The following PVR variants were observed in gnomAD, a reference collection of about 807,000 sequenced individuals.
PVR encodes poliovirus receptor.
PVR carries 39 observed loss-of-function variants against 43.3 expected under a neutral mutation model. The observed-to-expected ratio is 0.90, with a 90% CI of 0.70 to 1.18. PVR has a LOEUF of 1.18. Ranked by LOEUF, PVR falls within the 50% of genes most tolerant of loss-of-function variation. The pLI is 0.00. For missense variants in PVR, 480 were observed against 549.7 expected (o/e 0.87, Z 1.27); for synonymous variants, 224 against 233.2 (o/e 0.96, Z 0.36).
At chr19:44,654,303 G>T (rs1973376928) in intron 4 of PVR, among the ~76,000 whole-genome samples, 1 of 149,998 alleles carries the variant, frequency 6.7e-6, no homozygotes, top group African/African-American at 2.5e-5. Flanking sequence ...GGGAGGAGAA[G>T]CTGGGAGCCT....
rs146619511 is a variant in PVR at position 44,657,818 on chromosome 19, G to A, written c.899G>A (p.Arg300His). The A allele has an allele frequency of 1.9e-5, 31 of 1,614,052 alleles. No individual in the cohort carries two copies. The Admixed American group carries it at 2.5e-4, about 13-fold the overall frequency. ...AVAQGAQLLI[R>H]PVDKPINTTL... is the part of the protein sequence containing the mutation. ...GCCCAGGGCGCCCAGCTCCTGATCCGTCCTGTGGACAAACCAATCAACACA... is the reference window on the plus strand; with the variant it reads ...GCCCAGGGCGCCCAGCTCCTGATCCATCCTGTGGACAAACCAATCAACACA... Residue 300 changes from arginine to histidine, a missense_variant, in exon 5 of 8, where the codon CGT becomes CAT. By Grantham distance (29) the Arg-to-His change is conservative (BLOSUM62 0). Coordinates refer to ENST00000425690, the MANE Select transcript of PVR (RefSeq NM_006505.5).
Position 44,647,135 on chromosome 19 carries a change from CACG to C in PVR, c.80-87_80-85del, listed in dbSNP as rs1234289614. The C allele has an allele frequency of 6.0e-6, 5 of 835,114 alleles. No homozygotes were observed. The Admixed American group carries it at 1.0e-4, about 17-fold the overall frequency. 51.7% of individuals were successfully genotyped at this position (835,114 alleles called of 1,614,324 possible). Reference sequence around the variant, plus strand: ...GATCCAGGGCCCCAGCGTGCAAGTGCACGCCCAGGTGCCCGGGCTCCTGGAGCC... The same window carrying C: ...GATCCAGGGCCCCAGCGTGCAAGTGCCCCAGGTGCCCGGGCTCCTGGAGCC... On this transcript the variant is annotated intron_variant, in intron 1 of 7. Coordinates refer to ENST00000425690, the MANE Select transcript of PVR (RefSeq NM_006505.5).
At position 44,647,570 on chromosome 19, in the gene PVR, G is replaced by A; in HGVS notation, c.427G>A (p.Ala143Thr). ...CGTGGATATCTGGCTCCGAGTGCTT[G>A]GTGAGCAGGGGGTTTTGGGGAGGCT... is the stretch of plus-strand genomic sequence containing the variant. The part of the protein sequence containing the change: ...RSVDIWLRVL[A>T]KPQNTAEVQK... The change falls in exon 2 of 8, where the codon GCC (alanine) becomes ACC (threonine). Residue 143 changes from alanine (A) to threonine (T), a missense_variant and splice_region_variant. Physicochemically the swap from Ala to Thr is moderately conservative, Grantham distance 58. Coordinates refer to ENST00000425690, the MANE Select transcript of PVR (RefSeq NM_006505.5). 2.5e-6 allele frequency: 4 copies of A among 1,604,786 alleles called. No homozygotes were observed. Among genetic ancestry groups the A allele is most frequent in the Non-Finnish European group, 3.4e-6 (4 of 1,174,624 alleles).
At position 44,664,964 on chromosome 19, in the gene PVR, G is replaced by A. The variant is rs1473828846; in HGVS notation, c.*3153G>A. ...GTCATTGTGATAGATATTGACAAAT[G>A]AACCCTCACAGAAGTTGTGCTGAGT... On this transcript the variant is annotated 3_prime_UTR_variant, in exon 8 of 8. Coordinates refer to ENST00000425690, the MANE Select transcript of PVR (RefSeq NM_006505.5). 1 of 152,084 alleles carries A rather than the reference G, an allele frequency of 6.6e-6. No individual in the cohort carries two copies. Among genetic ancestry groups the A allele is most frequent in the African/African-American group, 2.4e-5 (1 of 41,408 alleles). The allele number at this position is 152,084 out of a possible 1,614,324, so 9.4% of individuals were successfully genotyped here.
intron 4 of PVR, among the ~76,000 whole-genome samples, chr19:44,655,676 A>G (rs752047177): frequency 1.3e-5 from 2 of 152,156 alleles, no homozygotes; most frequent in Non-Finnish European, 2.9e-5. Flanking sequence ...CCCACGTTGT[A>G]TTAGGAAGAC....
intron 5 of PVR, 75 bp downstream of exon 5, chr19:44,657,985 C>T (rs1189136117): frequency 3.4e-6 from 5 of 1,480,476 alleles, no homozygotes; most frequent in Non-Finnish European, 4.6e-6. Context: ...CTAATGCTCT[C>T]TGGCTCCCAT....
At chr19:44,655,378 C>T (rs1973413822) in intron 4 of PVR, among the ~76,000 whole-genome samples, 1 of 152,224 alleles carries the variant, frequency 6.6e-6, no homozygotes, top group Admixed American at 6.5e-5. Flanking sequence ...CGTGAGCCAC[C>T]TCGCCCAGCC....
chr19:44,648,474 A>C (rs1225418280), intron 2 of PVR, among the ~76,000 whole-genome samples: 1 of 151,910 alleles, frequency 6.6e-6, no homozygotes, highest in East Asian at 1.9e-4. Context: ...ATGAGGATTC[A>C]AAAAAACTGA....
At position 44,647,191 on chromosome 19, in the gene PVR, G is replaced by A. The variant is rs1055100839; in HGVS notation, c.80-32G>A. Reference sequence around the variant, plus strand: ...TCCCTATCTAGTCCAAGAACGCCCCGGGTCTGACACCTTCTCTTCGGTTCT... The same window carrying A: ...TCCCTATCTAGTCCAAGAACGCCCCAGGTCTGACACCTTCTCTTCGGTTCT... On this transcript the variant is annotated intron_variant, in intron 1 of 7. Transcript: ENST00000425690. The A allele has an allele frequency of 5.6e-6, 8 of 1,422,640 alleles. No individual in the cohort carries two copies. The Admixed American group carries it at 6.9e-5, about 12-fold the overall frequency. 88.1% of individuals were successfully genotyped at this position (1,422,640 alleles called of 1,614,324 possible).
rs1371179101 is a variant in PVR, at chr19:44,663,393, G to C, written c.*1582G>C. On this transcript the variant is annotated 3_prime_UTR_variant, in exon 8 of 8. Transcript: ENST00000425690. ...GCTCTGGACAGAGATGGAAGAGCCG[G>C]GAACAGAGAAGTGTGGGGAAGAGAT... 6.6e-6 allele frequency: 1 copy of C among 152,364 alleles called. No individual in the cohort carries two copies. Among genetic ancestry groups the C allele is most frequent in the African/African-American group, 2.4e-5 (1 of 41,446 alleles). 9.4% of individuals were successfully genotyped at this position (152,364 alleles called of 1,614,324 possible).
At chr19:44,646,771 A>C (rs906513192) in intron 1 of PVR, among the ~76,000 whole-genome samples, 1 of 147,268 alleles carries the variant, frequency 6.8e-6, no homozygotes, top group African/African-American at 2.6e-5. Context: ...ACTCCGTCTC[A>C]AAAAAAAAAG....
Position 44,658,394 on chromosome 19 carries a change from G to A in PVR, c.992-348G>A, listed in dbSNP as rs569212240. On this transcript the variant is annotated intron_variant, in intron 5 of 7. Transcript: ENST00000425690. ...CAGGCTCTGAAGCAAGATGGCCCTC[G>A]GCAGGGACAGGCTCACATTCTACCA... 1.4e-4 allele frequency among the ~76,000 whole-genome samples: 21 copies of A among 152,286 alleles called. No individual in the cohort carries two copies. In the South Asian group the frequency reaches 2.7e-3, roughly 20 times the overall value.
At chr19:44,660,686 C>T (rs2123771717) in intron 6 of PVR, among the ~76,000 whole-genome samples, 1 of 152,082 alleles carries the variant, frequency 6.6e-6, no homozygotes, top group East Asian at 1.9e-4. Flanking sequence ...CCACGCCTGG[C>T]TAATTTTTTA....
rs1169684872 is a variant in PVR at position 44,664,181 on chromosome 19, G to A, written c.*2370G>A. The A allele has an allele frequency of 6.6e-6, 1 of 151,688 alleles. No individual in the cohort carries two copies. The highest frequency in any genetic ancestry group is 1.9e-4 in the East Asian group (1 of 5,178). 9.4% of individuals were successfully genotyped at this position (151,688 alleles called of 1,614,324 possible). A position where few individuals can be genotyped will look rare whatever the true frequency, so the allele number is the denominator to read the frequency against. On this transcript the variant is annotated 3_prime_UTR_variant, in exon 8 of 8. Coordinates refer to ENST00000425690, the MANE Select transcript of PVR (RefSeq NM_006505.5). ...TTATACCAAAAAACCATTGAATAGT[G>A]CACTTTATTTATTTATTTATTTGTT...
chr19:44,659,541 G>A (rs1973540877), intron 6 of PVR, among the ~76,000 whole-genome samples: 1 of 152,152 alleles, frequency 6.6e-6, no homozygotes, highest in South Asian at 2.1e-4. Flanking sequence ...GGAGTGCAGT[G>A]GTGCGATCTC....
At chr19:44,648,714 C>T (rs1177578580) in intron 2 of PVR, among the ~76,000 whole-genome samples, 1 of 151,908 alleles carries the variant, frequency 6.6e-6, no homozygotes, top group Non-Finnish European at 1.5e-5. Flanking sequence ...AGAACTATTC[C>T]AAGCCTGTGC....
intron 6 of PVR, among the ~76,000 whole-genome samples, chr19:44,659,479 TTATG>T (rs1412004396): frequency 6.6e-6 from 1 of 152,108 alleles, no homozygotes; most frequent in East Asian, 1.9e-4. Context: ...TTTTTATTAT[TTATG>T]TATTTATTTA....
Position 44,658,910 on chromosome 19 carries a change from A to G in PVR, c.1150+10A>G. 5 of 1,612,496 alleles carry G rather than the reference A, an allele frequency of 3.1e-6. No homozygotes were observed. The highest frequency in any genetic ancestry group is 4.2e-6 in the Non-Finnish European group (5 of 1,179,086). On this transcript the variant is annotated intron_variant, in intron 6 of 7. Transcript: ENST00000425690. ...CATCTGTGTCCCTCGAGTGAGCATC[A>G]CCAGAGCTGCCGTAATTGAGCACCT...
chr19:44,653,384 CGAG>C (rs1040439299), intron 3 of PVR, among the ~76,000 whole-genome samples: 6 of 105,154 alleles, frequency 5.7e-5, no homozygotes, highest in Admixed American at 2.2e-4. Context: ...TGGGTCTGAG[CGAG>C]GAGGAGATCT....
Sources: gnomAD v4.1 joint callset for allele counts (sites outside exome capture counted in the v4.1 genomes callset) on GRCh38, gnomAD v4.1.1 for gene constraint, MANE v1.5 for transcripts, NCBI Gene and HGNC (gene_info 2026-07-23, HGNC 2026-07-21) for gene names.